The following FBXO21 variants were observed in gnomAD, a reference collection of about 807,000 sequenced individuals.
FBXO21 encodes the protein F-box protein 21.
FBXO21 carries 32 observed loss-of-function variants against 76.6 expected under a neutral mutation model. The ratio of observed to expected loss-of-function variants is 0.42; its 90% CI spans 0.32 to 0.56. The LOEUF is 0.56. Among genes scored for constraint, FBXO21 ranks in the 20% least tolerant of loss-of-function variants. The probability of loss-of-function intolerance (pLI) is 0.16; values close to 1 mark genes in which losing one functional copy is unlikely to be tolerated. For synonymous variants in FBXO21, 328 were observed against 311.5 expected, an observed-to-expected ratio of 1.05 and a Z score of -0.56; for missense variants, 586 against 797.3, an observed-to-expected ratio of 0.73 and a Z score of 3.19.
At chr12:117,179,752 G>A (rs897218860) in intron 3 of FBXO21, among the ~76,000 whole-genome samples, 1 of 152,152 alleles carries the variant, frequency 6.6e-6, no homozygotes, top group African/African-American at 2.4e-5. Flanking sequence ...TTCATTTGAG[G>A]TTACGAAGTG....
chr12:117,153,905 C>G (rs11068373), intron 11 of FBXO21, among the ~76,000 whole-genome samples: 27,637 of 152,200 alleles, frequency 0.18, 3,143 homozygotes, highest in East Asian at 0.41. Context: ...CCTTACATTG[C>G]ATGTTTACCT....
chr12:117,166,518 TA>T (rs139252847), intron 8 of FBXO21, among the ~76,000 whole-genome samples: 9,726 of 152,046 alleles, frequency 0.064, 387 homozygotes, highest in East Asian at 0.15. Flanking sequence ...AATAGTCTAT[TA>T]AAAAAAAGAA....
At chr12:117,179,168 G>A (rs1283429458) in intron 3 of FBXO21, among the ~76,000 whole-genome samples, 1 of 152,166 alleles carries the variant, frequency 6.6e-6, no homozygotes, top group Non-Finnish European at 1.5e-5. Flanking sequence ...TTTAACCTTT[G>A]AGTTGTAAAA....
chr12:117,187,578 C>T (rs765148669), intron 2 of FBXO21, among the ~76,000 whole-genome samples: 32 of 152,154 alleles, frequency 2.1e-4, no homozygotes, highest in Non-Finnish European at 2.9e-4. Context: ...CAATCACCCA[C>T]CCACAGATTA....
intron 3 of FBXO21, among the ~76,000 whole-genome samples, chr12:117,183,319 C>T (rs1006711742): frequency 1.3e-5 from 2 of 151,526 alleles, no homozygotes; most frequent in Admixed American, 6.6e-5. Flanking sequence ...GGCGCGATCT[C>T]GGCTCACTGC....
chr12:117,147,805 G>A lies in FBXO21; in HGVS notation c.1676-1528C>T, dbSNP rs1394142180. 5.3e-5 allele frequency among the ~76,000 whole-genome samples: 8 copies of A among 152,226 alleles called. No individual in the cohort carries two copies. In the East Asian group the frequency reaches 1.4e-3, roughly 26 times the overall value. ...GGAGAAGCCCAGCTATGCCCTCCAT[G>A]ACCTGACACCGGAAGGAAGCTGGGC... On this transcript the variant is annotated intron_variant, in intron 11 of 11. Transcript: ENST00000622495.
chr12:117,154,919 T>C (rs1955892558), intron 11 of FBXO21: 1 of 152,222 alleles, frequency 6.6e-6, no homozygotes, highest in Non-Finnish European at 1.5e-5. Context: ...TGGCTTCAAA[T>C]CGTGTTCTCT....
intron 1 of FBXO21, 118 bp from the exon 2 acceptor site, chr12:117,189,480 G>A: frequency 9.7e-7 from 1 of 1,028,782 alleles, no homozygotes; most frequent in Non-Finnish European, 1.5e-6. Flanking sequence ...AGGGACCCCG[G>A]CGAGAGACCT....
At position 117,177,592 on chromosome 12, in the gene FBXO21, G is replaced by A. The variant is rs1001312539; in HGVS notation, c.520C>T (p.Arg174Trp). The A allele has an allele frequency of 1.2e-5, 20 of 1,613,616 alleles. No individual in the cohort carries two copies. The highest frequency in any genetic ancestry group is 2.2e-5 in the East Asian group (1 of 44,856). The change falls in exon 4 of 12, where the codon CGG (arginine) becomes TGG (tryptophan). Residue 174 changes from arginine (R) to tryptophan (W), a missense_variant. This residue lies in a region of FBXO21 where 246 missense variants were observed against 356.8 expected (regional missense o/e 0.69). Transcript: ENST00000622495. Reference sequence around the variant, plus strand: ...AGATTATTTAAGATCTTCTGTTGCCGCAGGTAGTAAAGAATTTTTTTTGCG... The same window carrying A: ...AGATTATTTAAGATCTTCTGTTGCCACAGGTAGTAAAGAATTTTTTTTGCG... ...YYAKKILYYLRQQKILNNLKA... is the reference protein window; with the variant it reads ...YYAKKILYYLWQQKILNNLKA...
rs1253576736 is a variant in FBXO21 at position 117,142,423 on chromosome 12, G to T, written c.*3664C>A. The T allele has an allele frequency of 6.6e-6, 1 of 152,340 alleles. No homozygotes were observed. Among genetic ancestry groups the T allele is most frequent in the Non-Finnish European group, 1.5e-5 (1 of 68,042 alleles). The allele number at this position is 152,340 out of a possible 1,614,324, so 9.4% of individuals were successfully genotyped here. ...AGCCTGTTTTTGAGCTAAGAATGTT[G>T]TTGACACTTTTAAAAACAGAGAACA... On this transcript the variant is annotated 3_prime_UTR_variant, in exon 12 of 12. Coordinates refer to ENST00000622495, the MANE Select transcript of FBXO21 (RefSeq NM_015002.3).
chr12:117,169,426 T>C (rs1428841265), intron 7 of FBXO21, among the ~76,000 whole-genome samples: 1 of 152,134 alleles, frequency 6.6e-6, no homozygotes, highest in Non-Finnish European at 1.5e-5. Flanking sequence ...AGTTTACCTA[T>C]GTAACAAACT....
chr12:117,147,452 AGCTGG>A lies in FBXO21; in HGVS notation c.1676-1180_1676-1176del, dbSNP rs1049462289. 3.3e-5 allele frequency among the ~76,000 whole-genome samples: 5 copies of A among 151,180 alleles called. No individual in the cohort carries two copies. In the East Asian group the frequency reaches 7.9e-4, roughly 24 times the overall value. On this transcript the variant is annotated intron_variant, in intron 11 of 11. Transcript: ENST00000622495. Reference sequence around the variant, plus strand: ...CATCTCTACTGAAAATACAAAAATTAGCTGGGCGTCATGGCGGGCGTCTGTAATCC... The same window carrying A: ...CATCTCTACTGAAAATACAAAAATTAGCGTCATGGCGGGCGTCTGTAATCC...
intron 4 of FBXO21, 110 bp downstream of exon 4, chr12:117,177,410 T>C (rs1592892121): frequency 8.8e-7 from 1 of 1,134,660 alleles, no homozygotes; most frequent in East Asian, 2.4e-5. Context: ...CAACATGATT[T>C]GCTTTTTCAC....
intron 1 of FBXO21, 93 bp from the exon 2 acceptor site, chr12:117,189,455 G>A: frequency 7.2e-7 from 1 of 1,393,144 alleles, no homozygotes; most frequent in Non-Finnish European, 1.0e-6. Context: ...GACAGCAGTG[G>A]CGTCCAGTGG....
intron 8 of FBXO21, 105 bp from the exon 9 acceptor site, chr12:117,165,722 G>T: frequency 5.3e-6 from 6 of 1,137,042 alleles, no homozygotes; most frequent in East Asian, 2.5e-5. Context: ...AATCCCAAAC[G>T]TTTTCTGATT....
At chr12:117,156,315 G>T (rs1051948740) in intron 10 of FBXO21, among the ~76,000 whole-genome samples, 2 of 152,144 alleles carry the variant, frequency 1.3e-5, no homozygotes, top group Non-Finnish European at 2.9e-5. Context: ...GGGAAGGTTT[G>T]TTAAAACAAG....
chr12:117,171,702 C>T (rs887462573), intron 7 of FBXO21, among the ~76,000 whole-genome samples: 1 of 152,188 alleles, frequency 6.6e-6, no homozygotes, highest in African/African-American at 2.4e-5. Context: ...TTCTATCACA[C>T]AATTCATCAT....
At chr12:117,173,865 T>C (rs1956143691) in intron 6 of FBXO21, among the ~76,000 whole-genome samples, 1 of 152,004 alleles carries the variant, frequency 6.6e-6, no homozygotes, top group Admixed American at 6.5e-5. Flanking sequence ...ACATATAGGA[T>C]GGGCACAGTG....
At position 117,165,593 on chromosome 12, in the gene FBXO21, C is replaced by T; in HGVS notation, c.1218G>A (p.Gln406=). 6.2e-7 allele frequency: 1 copy of T among 1,611,934 alleles called. No homozygotes were observed. The highest frequency in any genetic ancestry group is 8.5e-7 in the Non-Finnish European group (1 of 1,178,550). Residue 406 remains glutamine, a synonymous_variant, in exon 9 of 12, where the codon CAG becomes CAA. Transcript: ENST00000622495. ...AGAGATCCAGCGAGTCTCTCAGGAG[C>T]TGGTATGACTGGTCGATGCCTTCCC... is the stretch of plus-strand genomic sequence containing the variant. ...GKREGIDQSY[Q]LLRDSLDLYL... is the part of the protein sequence containing the mutation.
Sources: gnomAD v4.1 joint callset for allele counts (sites outside exome capture counted in the v4.1 genomes callset) on GRCh38, gnomAD v4.1.1 for gene constraint, gnomAD v4.1.1 regional missense constraint, MANE v1.5 for transcripts, NCBI Gene and HGNC (gene_info 2026-07-23, HGNC 2026-07-21) for gene names.